The following KIF26B variants were observed in gnomAD, a reference collection of about 807,000 sequenced individuals.
The protein encoded by KIF26B is kinesin family member 26B, also known as kinesin-like protein KIF26B.
A neutral mutation model predicts 151.2 loss-of-function variants in KIF26B; 63 were observed. That is an observed-to-expected ratio of 0.42 (90% CI 0.34 to 0.51). The LOEUF (loss-of-function observed/expected upper bound fraction) is 0.51, where lower values mean the gene tolerates loss of function less well. Ranked by LOEUF, KIF26B falls within the 20% of genes least tolerant of loss-of-function variation. The pLI is 0.07. For missense variants in KIF26B, 2,813 were observed against 2,913.6 expected, an observed-to-expected ratio of 0.97 and a Z score of 0.79; for synonymous variants, 1,357 against 1,262.1, an observed-to-expected ratio of 1.08 and a Z score of -1.59.
At chr1:245,378,567 C>G (rs1673329590) in intron 3 of KIF26B, among the ~76,000 whole-genome samples, 1 of 152,302 alleles carries the variant, frequency 6.6e-6, no homozygotes, top group Non-Finnish European at 1.5e-5. Context: ...GACCTTGTTC[C>G]CTCAGGCTGA....
chr1:245,676,167 T>C (rs762757932), intron 10 of KIF26B: 1 of 152,234 alleles, frequency 6.6e-6, no homozygotes, highest in Admixed American at 6.5e-5. Context: ...CTTTCATAAG[T>C]CATTATGTGA....
intron 2 of KIF26B, among the ~76,000 whole-genome samples, chr1:245,182,235 A>C (rs554903240): frequency 6.6e-6 from 1 of 151,876 alleles, no homozygotes; most frequent in African/African-American, 2.4e-5. Flanking sequence ...TCTTCACCCT[A>C]CTCCACTCCC....
rs572449810 is a variant in KIF26B, at chr1:245,182,932, G to C, written c.465+26249G>C. 1.8e-4 allele frequency among the ~76,000 whole-genome samples: 28 copies of C among 152,298 alleles called. No individual in the cohort carries two copies. In the East Asian group the frequency reaches 2.3e-3, roughly 13 times the overall value. ...ATTATAGGCGTGAGCCACCACGCCC[G>C]GCCCCATTGAGAAACTTCCAAACTC... On this transcript the variant is annotated intron_variant, in intron 2 of 14. Coordinates refer to ENST00000407071, the MANE Select transcript of KIF26B (RefSeq NM_018012.4).
intron 4 of KIF26B, among the ~76,000 whole-genome samples, chr1:245,481,333 T>C (rs2103069052): frequency 6.6e-6 from 1 of 152,004 alleles, no homozygotes; most frequent in Admixed American, 6.5e-5. Context: ...AGGTTCTGTT[T>C]CCATGTTTCA....
intron 4 of KIF26B, among the ~76,000 whole-genome samples, chr1:245,464,422 T>A (rs1208482032): frequency 6.9e-6 from 1 of 145,252 alleles, no homozygotes; most frequent in Non-Finnish European, 1.5e-5. Flanking sequence ...GGGGTGTGTG[T>A]GGGTGTGTGC....
chr1:245,664,808 T>A (rs570430610), intron 10 of KIF26B, among the ~76,000 whole-genome samples: 1 of 152,356 alleles, frequency 6.6e-6, no homozygotes, highest in African/African-American at 2.4e-5. Context: ...AGTAGTATTT[T>A]TCTTAACACT....
intron 2 of KIF26B, among the ~76,000 whole-genome samples, chr1:245,366,154 C>T (rs1194730422): frequency 6.6e-6 from 1 of 152,200 alleles, no homozygotes; most frequent in Non-Finnish European, 1.5e-5. Context: ...CACCCCATAT[C>T]ATGCCTGGAC....
chr1:245,400,638 A>G (rs1234443181), intron 3 of KIF26B, among the ~76,000 whole-genome samples: 1 of 152,222 alleles, frequency 6.6e-6, no homozygotes, highest in African/African-American at 2.4e-5. Context: ...TATAAAATAC[A>G]TATTAGAGTT....
At chr1:245,490,283 T>C (rs961375599) in intron 4 of KIF26B, among the ~76,000 whole-genome samples, 1 of 149,964 alleles carries the variant, frequency 6.7e-6, no homozygotes, top group Non-Finnish European at 1.5e-5. Context: ...ATGGACCCAA[T>C]ACCAACCAAG....
chr1:245,266,808 T>C (rs1049226576), intron 2 of KIF26B, among the ~76,000 whole-genome samples: 1 of 152,120 alleles, frequency 6.6e-6, no homozygotes, highest in Non-Finnish European at 1.5e-5. Context: ...CCTGGCCTGT[T>C]TTACCATTTT....
At chr1:245,476,769 G>A (rs1463108126) in intron 4 of KIF26B, among the ~76,000 whole-genome samples, 2 of 151,518 alleles carry the variant, frequency 1.3e-5, no homozygotes, top group Non-Finnish European at 3.0e-5. Flanking sequence ...CAAGTGATCC[G>A]CCTGCCTTAG....
chr1:245,689,313 TG>T (rs1227123938), intron 12 of KIF26B, among the ~76,000 whole-genome samples: 1 of 152,182 alleles, frequency 6.6e-6, no homozygotes, highest in Non-Finnish European at 1.5e-5. Context: ...CCTCATGACC[TG>T]GTGGCTTCAG....
At chr1:245,192,324 C>G (rs12565610) in intron 2 of KIF26B, among the ~76,000 whole-genome samples, 20,561 of 150,872 alleles carry the variant, frequency 0.14, 1,898 homozygotes, top group East Asian at 0.49. Context: ...ATTTTCTGGT[C>G]TAGACAGTTT....
intron 7 of KIF26B, among the ~76,000 whole-genome samples, chr1:245,608,051 G>A (rs1323481371): frequency 6.6e-6 from 1 of 152,198 alleles, no homozygotes; most frequent in Non-Finnish European, 1.5e-5. Flanking sequence ...TTCCTGAGCA[G>A]CCGCTGTTTG....
chr1:245,360,645 C>G (rs887133910), intron 2 of KIF26B, among the ~76,000 whole-genome samples: 1 of 152,170 alleles, frequency 6.6e-6, no homozygotes, highest in Admixed American at 6.5e-5. Flanking sequence ...CTTGAACCTC[C>G]CATACCCTTA....
intron 4 of KIF26B, among the ~76,000 whole-genome samples, chr1:245,431,351 T>C (rs1658774534): frequency 6.7e-6 from 1 of 149,146 alleles, no homozygotes; most frequent in Non-Finnish European, 1.5e-5. Context: ...GCTAATTTTT[T>C]TTTTTTTTTT....
chr1:245,376,722 C>G (rs1252820788), intron 3 of KIF26B, among the ~76,000 whole-genome samples: 1 of 152,102 alleles, frequency 6.6e-6, no homozygotes, highest in African/African-American at 2.4e-5. Flanking sequence ...GAGTCTTGCT[C>G]TATCACCCAG....
chr1:245,441,566 A>T (rs1316023928), intron 4 of KIF26B, among the ~76,000 whole-genome samples: 1 of 151,892 alleles, frequency 6.6e-6, no homozygotes, highest in Non-Finnish European at 1.5e-5. Flanking sequence ...GTTCCAGTTC[A>T]CTCGGCTAAC....
chr1:245,499,588 G>C (rs1254646457), intron 4 of KIF26B, among the ~76,000 whole-genome samples: 1 of 152,188 alleles, frequency 6.6e-6, no homozygotes, highest in Non-Finnish European at 1.5e-5. Context: ...AGTATAATTT[G>C]AGTAAGCCAA....
Sources: gnomAD v4.1 joint callset for allele counts (sites outside exome capture counted in the v4.1 genomes callset) on GRCh38, gnomAD v4.1.1 for gene constraint, MANE v1.5 for transcripts, NCBI Gene and HGNC (gene_info 2026-07-23, HGNC 2026-07-21) for gene names.